Variants in CADM2 observed in about 807,000 individuals in gnomAD.
The protein encoded by CADM2 is immunoglobulin superfamily member 4D.
In CADM2, 12 loss-of-function variants were observed where a neutral mutation model predicts 49.8. The ratio of observed to expected loss-of-function variants is 0.24; its 90% confidence interval spans 0.15 to 0.39. CADM2 has a LOEUF of 0.39. Among genes scored for constraint, CADM2 ranks in the 10% least tolerant of loss-of-function variants. The pLI, the probability that CADM2 is intolerant of heterozygous loss-of-function variation, is 1.00. For missense variants in CADM2, 378 were observed against 492.3 expected (o/e 0.77, Z 2.20); for synonymous variants, 214 against 175.4 (o/e 1.22, Z -1.74).
At chr3:85,226,007 A>G (rs1363437749) in intron 1 of CADM2, among the ~76,000 whole-genome samples, 3 of 152,136 alleles carry the variant, frequency 2.0e-5, no homozygotes, top group African/African-American at 7.2e-5. Flanking sequence ...GTTTGCCAGT[A>G]TTTTACTGAG....
At position 85,502,019 on chromosome 3, in the gene CADM2, G is replaced by C. The variant is rs149456695; in HGVS notation, c.62-224503G>C. 2.0e-3 allele frequency among the ~76,000 whole-genome samples: 298 copies of C among 152,190 alleles called. 1 individual carries two copies. Among genetic ancestry groups the C allele is most frequent in the African/African-American group, 6.8e-3 (282 of 41,534 alleles). On this transcript the variant is annotated intron_variant, in intron 1 of 9. Coordinates refer to ENST00000383699, the MANE Select transcript of CADM2 (RefSeq NM_001167675.2). Reference sequence around the variant, plus strand: ...GCATGAATTTAAACGCTGAAAAAATGCAGGAAGTATTACAAAAGAATGAGA... The same window carrying C: ...GCATGAATTTAAACGCTGAAAAAATCCAGGAAGTATTACAAAAGAATGAGA...
chr3:85,468,170 A>C (rs1040188706), intron 1 of CADM2, among the ~76,000 whole-genome samples: 3 of 151,324 alleles, frequency 2.0e-5, no homozygotes, highest in African/African-American at 4.9e-5. Flanking sequence ...AAAAAAAAAA[A>C]AAAAAAAAAA....
chr3:85,257,247 A>G (rs1184163347), intron 1 of CADM2, among the ~76,000 whole-genome samples: 5 of 152,160 alleles, frequency 3.3e-5, no homozygotes, highest in African/African-American at 1.2e-4. Flanking sequence ...TAAAGCACCA[A>G]GGAGCAGAAT....
chr3:85,264,511 A>G (rs2043079599), intron 1 of CADM2, among the ~76,000 whole-genome samples: 1 of 152,018 alleles, frequency 6.6e-6, no homozygotes. Context: ...TCACTTGCCT[A>G]GTTTCTGGCA....
intron 1 of CADM2, among the ~76,000 whole-genome samples, chr3:85,552,449 C>A (rs531715984): frequency 7.1e-6 from 1 of 140,856 alleles, no homozygotes; most frequent in East Asian, 2.1e-4. Flanking sequence ...GGCGCCATCT[C>A]GGCTCACTGC....
At position 85,667,783 on chromosome 3, in the gene CADM2, TACTA is replaced by T. The variant is rs552087125; in HGVS notation, c.62-58733_62-58730del. ...AGAAATTTGTCACGTCAGACCTGCT[TACTA>T]ACTAAGTAAGCTTAACTCCTTAAAT... On this transcript the variant is annotated intron_variant, in intron 1 of 9. Coordinates refer to ENST00000383699, the MANE Select transcript of CADM2 (RefSeq NM_001167675.2). Among the ~76,000 whole-genome samples, 642 of 152,192 alleles carry T rather than the reference TACTA, an allele frequency of 4.2e-3. 2 individuals carry two copies. The highest frequency in any genetic ancestry group is 0.031 in the Middle Eastern group (9 of 294).
At chr3:85,446,989 T>A (rs2037489230) in intron 1 of CADM2, among the ~76,000 whole-genome samples, 1 of 94,774 alleles carries the variant, frequency 1.1e-5, no homozygotes, top group Non-Finnish European at 2.0e-5. Flanking sequence ...TAATATGTAT[T>A]GCATATATAT....
chr3:85,851,303 T>C (rs969117365), intron 3 of CADM2, among the ~76,000 whole-genome samples: 1 of 152,102 alleles, frequency 6.6e-6, no homozygotes, highest in African/African-American at 2.4e-5. Flanking sequence ...TGAAGATCTT[T>C]CCAGCTGTGA....
At chr3:85,939,950 G>A (rs1364415825) in intron 7 of CADM2, among the ~76,000 whole-genome samples, 1 of 149,808 alleles carries the variant, frequency 6.7e-6, no homozygotes, top group African/African-American at 2.5e-5. Context: ...GAAATGATCA[G>A]GAATTAAAGA....
chr3:85,820,202 G>T (rs2073466680), intron 3 of CADM2, among the ~76,000 whole-genome samples: 1 of 152,082 alleles, frequency 6.6e-6, no homozygotes, highest in African/African-American at 2.4e-5. Context: ...TGAGGAGAGT[G>T]ATCAAAGGGG....
intron 1 of CADM2, among the ~76,000 whole-genome samples, chr3:85,247,648 G>A (rs542108370): frequency 1.1e-4 from 17 of 152,180 alleles, no homozygotes; most frequent in South Asian, 4.1e-4. Context: ...TAGGAGCTGC[G>A]AATTGACTTG....
intron 1 of CADM2, among the ~76,000 whole-genome samples, chr3:85,434,912 T>C (rs555997832): frequency 6.6e-6 from 1 of 152,146 alleles, no homozygotes; most frequent in Non-Finnish European, 1.5e-5. Flanking sequence ...AGTAGAGGTG[T>C]TGTATAGTGG....
At chr3:86,029,817 G>T (rs1481582380) in intron 8 of CADM2, among the ~76,000 whole-genome samples, 1 of 151,962 alleles carries the variant, frequency 6.6e-6, no homozygotes, top group Non-Finnish European at 1.5e-5. Context: ...CTTGGGAGAG[G>T]TAAATTGTTA....
chr3:85,797,025 C>A (rs532237655), intron 2 of CADM2, among the ~76,000 whole-genome samples: 24 of 148,846 alleles, frequency 1.6e-4, no homozygotes, highest in African/African-American at 5.9e-4. Context: ...ACTCAGGAGG[C>A]GGAGGTTGCA....
intron 1 of CADM2, among the ~76,000 whole-genome samples, chr3:84,999,722 A>G (rs1032731923): frequency 6.6e-6 from 1 of 152,190 alleles, no homozygotes; most frequent in Non-Finnish European, 1.5e-5. Context: ...GCAAATGACC[A>G]TGAAAGCACT....
intron 1 of CADM2, among the ~76,000 whole-genome samples, chr3:85,272,130 G>A (rs1016311296): frequency 6.6e-6 from 1 of 150,840 alleles, no homozygotes; most frequent in Non-Finnish European, 1.5e-5. Context: ...AAGGTCACAG[G>A]GCAAGAAAAT....
chr3:85,500,625 C>G (rs1032581215), intron 1 of CADM2, among the ~76,000 whole-genome samples: 1 of 151,686 alleles, frequency 6.6e-6, no homozygotes, highest in Non-Finnish European at 1.5e-5. Context: ...TCACGTCATT[C>G]TCCTGCCTCA....
intron 8 of CADM2, among the ~76,000 whole-genome samples, chr3:85,977,353 A>G (rs2108658267): frequency 6.6e-6 from 1 of 151,552 alleles, no homozygotes; most frequent in East Asian, 1.9e-4. Context: ...AAATTTGGAA[A>G]TAACAGATCA....
intron 1 of CADM2, among the ~76,000 whole-genome samples, chr3:85,364,228 C>T (rs952030582): frequency 7.9e-5 from 12 of 152,256 alleles, no homozygotes; most frequent in Non-Finnish European, 1.0e-4. Context: ...AGAAAGCACT[C>T]TACTATATCA....
Sources: gnomAD v4.1 joint callset for allele counts (sites outside exome capture counted in the v4.1 genomes callset) on GRCh38, gnomAD v4.1.1 for gene constraint, MANE v1.5 for transcripts, NCBI Gene and HGNC (gene_info 2026-07-23, HGNC 2026-07-21) for gene names.